The following TRPV4 variants were observed in gnomAD, a reference collection of about 807,000 sequenced individuals.
TRPV4 encodes the protein OSM9-like transient receptor potential channel 4.
A neutral mutation model predicts 84.1 loss-of-function variants in TRPV4; 58 were observed. That is an observed-to-expected ratio of 0.69 (90% CI 0.56 to 0.86). The LOEUF (loss-of-function observed/expected upper bound fraction) is 0.86, where lower values mean the gene tolerates loss of function less well. Ranked by LOEUF, TRPV4 falls within the 40% of genes least tolerant of loss-of-function variation. The probability of loss-of-function intolerance (pLI) is 0.00; values close to 1 mark genes in which losing one functional copy is unlikely to be tolerated. For synonymous variants in TRPV4, 489 were observed against 500.9 expected, an observed-to-expected ratio of 0.98 and a Z score of 0.32; for missense variants, 879 against 1,181.1, an observed-to-expected ratio of 0.74 and a Z score of 3.75.
intron 14 of TRPV4, 22 bp from the exon 15 acceptor site, chr12:109,784,459 GT>G: frequency 6.2e-7 from 1 of 1,614,062 alleles, no homozygotes; most frequent in African/African-American, 1.3e-5. Flanking sequence ...CAAGCAGAGG[GT>G]CATGGGGAAC....
intron 2 of TRPV4, among the ~76,000 whole-genome samples, chr12:109,809,026 C>A (rs1891332387): frequency 6.7e-6 from 1 of 148,478 alleles, no homozygotes; most frequent in African/African-American, 2.5e-5. Flanking sequence ...ATCCATCTAC[C>A]CATCCACCCA....
intron 13 of TRPV4, among the ~76,000 whole-genome samples, 196 bp from the exon 14 acceptor site, chr12:109,787,033 A>G (rs765327031): frequency 6.6e-6 from 1 of 152,204 alleles, no homozygotes; most frequent in Non-Finnish European, 1.5e-5. Context: ...GTGAAACAGG[A>G]TCAGGTGCAG....
At chr12:109,799,455 G>A (rs1890639106) in intron 5 of TRPV4, among the ~76,000 whole-genome samples, 1 of 152,082 alleles carries the variant, frequency 6.6e-6, no homozygotes, top group Admixed American at 6.6e-5. Flanking sequence ...AGCTGATGAT[G>A]GAATTCTTTG....
intron 3 of TRPV4, among the ~76,000 whole-genome samples, chr12:109,807,763 G>C (rs1346327387): frequency 6.6e-6 from 1 of 152,146 alleles, no homozygotes; most frequent in African/African-American, 2.4e-5. Context: ...CTTCAGCCTA[G>C]GAAGTGGAGC....
chr12:109,798,843 G>T lies in TRPV4; in HGVS notation c.923C>A (p.Pro308His). 6.2e-7 allele frequency: 1 copy of T among 1,614,128 alleles called. No individual in the cohort carries two copies. Among genetic ancestry groups the T allele is most frequent in the Non-Finnish European group, 8.5e-7 (1 of 1,180,024 alleles). The change falls in exon 6 of 16, where the codon CCC becomes CAC. Residue 308 changes from proline to histidine, a missense_variant. By Grantham distance (77) the Pro-to-His change is moderately conservative. Around this residue, in one of 4 missense-constraint regions of TRPV4, gnomAD observed 521 missense variants for 686.6 expected, o/e 0.76. Transcript: ENST00000261740. This position sits in a 1 kb window ranked among gnomAD's most constrained non-coding sequence, Gnocchi z 5.0. ...PHIVNYLTEN[P>H]HKKADMRRQD... ...GCGCCGCATGTCCGCCTTCTTGTGG[G>T]GGTTCTCCGTCAGGTAGTTGACAAT...
rs1346228538 is a variant in TRPV4 at position 109,786,694 on chromosome 12, A to C, written c.2336+16T>G. ...AGTTCCGCCCTGCCATCCTGGCCCC[A>C]CTGCCCCAGCCTCACCTGAAGCACC... On this transcript the variant is annotated intron_variant, in intron 14 of 15. Coordinates refer to ENST00000261740, the MANE Select transcript of TRPV4 (RefSeq NM_021625.5). The surrounding 1 kb of genome is among the most constrained non-coding windows in gnomAD (Gnocchi z 4.5). The C allele has an allele frequency of 6.2e-7, 1 of 1,613,364 alleles. No individual in the cohort carries two copies. The highest frequency in any genetic ancestry group is 8.5e-7 in the Non-Finnish European group (1 of 1,179,984).
At chr12:109,832,155 G>A (rs1326414772) in intron 1 of TRPV4, among the ~76,000 whole-genome samples, 1 of 152,110 alleles carries the variant, frequency 6.6e-6, no homozygotes. Context: ...ACAGCTAAGG[G>A]ACCAGGCCAA....
intron 2 of TRPV4, among the ~76,000 whole-genome samples, chr12:109,808,717 A>G (rs530396013): frequency 6.6e-6 from 1 of 152,202 alleles, no homozygotes; most frequent in South Asian, 2.1e-4. Context: ...ACATCTATCC[A>G]CCCATCCATC....
At chr12:109,789,214 T>C (rs538379688) in intron 12 of TRPV4, among the ~76,000 whole-genome samples, 1 of 152,232 alleles carries the variant, frequency 6.6e-6, no homozygotes, top group East Asian at 1.9e-4. Context: ...AGAGACATAT[T>C]TGGTTGTTAC....
At chr12:109,813,373 T>C (rs967002375) in intron 2 of TRPV4, among the ~76,000 whole-genome samples, 1 of 151,828 alleles carries the variant, frequency 6.6e-6, no homozygotes, top group Admixed American at 6.6e-5. Flanking sequence ...GATCATGCCA[T>C]TGCACTCCAG....
In TRPV4 at chr12:109,820,514, C is replaced by CTTTTTTTTTTTTTTTT. The variant is rs1186445597; in HGVS notation, c.-31-5688_-31-5687insAAAAAAAAAAAAAAAA. 1.2e-3 allele frequency among the ~76,000 whole-genome samples: 145 copies of CTTTTTTTTTTTTTTTT among 123,100 alleles called. 23 individuals are homozygous for CTTTTTTTTTTTTTTTT. The highest frequency in any genetic ancestry group is 4.4e-3 in the East Asian group (14 of 3,212). The allele number at this position is 123,100 out of a possible 152,430, so 80.8% of individuals were successfully genotyped here. A position where few individuals can be genotyped will look rare whatever the true frequency, so the allele number is the denominator to read the frequency against. On this transcript the variant is annotated intron_variant, in intron 1 of 15. Coordinates refer to ENST00000261740, the MANE Select transcript of TRPV4 (RefSeq NM_021625.5). ...CTGATCTTCACTTTCTTCAGCTGCC[C>CTTTTTTTTTTTTTTTT]TATTTTTTTTTTTTTTTTTTTTTTT...
intron 12 of TRPV4, among the ~76,000 whole-genome samples, 181 bp from the exon 13 acceptor site, chr12:109,788,897 T>C (rs954839899): frequency 1.3e-5 from 2 of 152,178 alleles, no homozygotes; most frequent in African/African-American, 4.8e-5. Context: ...GTCCTCCTGA[T>C]CCCAAAACCT....
rs1416908660 is a variant in TRPV4, at chr12:109,793,399, G to A, written c.1658+128C>T. Reference sequence around the variant, plus strand: ...TGTTTGTGGCTTTGTCCTGACTTTGGGTTAGAGCTGCCCAGGTTGGGTGCA... The same window carrying A: ...TGTTTGTGGCTTTGTCCTGACTTTGAGTTAGAGCTGCCCAGGTTGGGTGCA... On this transcript the variant is annotated intron_variant, in intron 10 of 15. Coordinates refer to ENST00000261740, the MANE Select transcript of TRPV4 (RefSeq NM_021625.5). The surrounding 1 kb of genome is among the most constrained non-coding windows in gnomAD (Gnocchi z 4.0). 14 of 834,284 alleles carry A rather than the reference G, an allele frequency of 1.7e-5. No homozygotes were observed. The highest frequency in any genetic ancestry group is 2.9e-5 in the Non-Finnish European group (14 of 476,678). The allele number at this position is 834,284 out of a possible 1,614,324, so 51.7% of individuals were successfully genotyped here.
chr12:109,803,186 T>A (rs1339716257), intron 3 of TRPV4, 43 bp from the exon 4 acceptor site: 1 of 1,610,834 alleles, frequency 6.2e-7, no homozygotes, highest in South Asian at 1.1e-5. Flanking sequence ...CTCCAGCCCA[T>A]GACCTTGAAC....
intron 14 of TRPV4, among the ~76,000 whole-genome samples, chr12:109,784,888 T>C (rs1889593897): frequency 6.7e-6 from 1 of 148,492 alleles, no homozygotes; most frequent in Non-Finnish European, 1.5e-5. Context: ...TGTGTGTGTG[T>C]ATACACACAC....
At position 109,796,560 on chromosome 12, in the gene TRPV4, C is replaced by T. The variant is rs879254304; in HGVS notation, c.1297G>A (p.Val433Met). 10 of 1,614,026 alleles carry T rather than the reference C, an allele frequency of 6.2e-6. No individual in the cohort carries two copies. The highest frequency in any genetic ancestry group is 1.7e-5 in the Admixed American group (1 of 60,008). ...CTGTTGTACACCAGGATCTCCAGCACGGAGGCCTCTTCCCCACACGTGTCC... is the reference window on the plus strand; with the variant it reads ...CTGTTGTACACCAGGATCTCCAGCATGGAGGCCTCTTCCCCACACGTGTCC... ...SLDTCGEEAS[V>M]LEILVYNSKI... is the part of the protein sequence containing the mutation. Residue 433 changes from valine to methionine, a missense_variant, in exon 7 of 16, where the codon GTG becomes ATG. Coordinates refer to ENST00000261740, the MANE Select transcript of TRPV4 (RefSeq NM_021625.5). This position sits in a 1 kb window ranked among gnomAD's most constrained non-coding sequence, Gnocchi z 4.2.
At chr12:109,809,268 ACTACCCGCCCATCCATCCATCCAC>A (rs759005433) in intron 2 of TRPV4, among the ~76,000 whole-genome samples, 7 of 119,868 alleles carry the variant, frequency 5.8e-5, no homozygotes, top group Non-Finnish European at 1.0e-4. Context: ...CACCCATCTA[ACTACCCGCCCATCCATCCATCCAC>A]CTACCCGCCC....
In TRPV4 at chr12:109,793,912, CG is replaced by C; in HGVS notation, c.1584+17del. On this transcript the variant is annotated intron_variant, in intron 9 of 15. Coordinates refer to ENST00000261740, the MANE Select transcript of TRPV4 (RefSeq NM_021625.5). This position sits in a 1 kb window ranked among gnomAD's most constrained non-coding sequence, Gnocchi z 4.0. Reference sequence around the variant, plus strand: ...AGGAGGGCAGGCAGGGTGGGGGGCACGGGGGCCAGGCACTTACGTTGGTGAA... The same window carrying C: ...AGGAGGGCAGGCAGGGTGGGGGGCACGGGGCCAGGCACTTACGTTGGTGAA... The C allele has an allele frequency of 1.3e-6, 2 of 1,585,834 alleles. No homozygotes were observed. The highest frequency in any genetic ancestry group is 1.1e-5 in the South Asian group (1 of 87,686).
chr12:109,812,069 C>T (rs1264073047), intron 2 of TRPV4, among the ~76,000 whole-genome samples: 2 of 152,274 alleles, frequency 1.3e-5, no homozygotes, highest in Admixed American at 1.3e-4. Flanking sequence ...CCTAAAGGAC[C>T]AGGAGGGAGG....
Sources: allele counts gnomAD v4.1 joint callset (sites outside exome capture counted in the v4.1 genomes callset), GRCh38; gene constraint gnomAD v4.1.1; regional missense constraint gnomAD v4.1.1; non-coding constraint Gnocchi (gnomAD v3.1); transcripts MANE v1.5; gene names NCBI Gene and HGNC (gene_info 2026-07-23, HGNC 2026-07-21).